Variants in RUNX1 observed in about 807,000 individuals in gnomAD.
The protein encoded by RUNX1 is RUNX family transcription factor 1, also known as runt-related transcription factor 1.
In RUNX1, 19 loss-of-function variants were observed where a neutral mutation model predicts 42.8. The observed-to-expected ratio is 0.44, with a 90% CI of 0.31 to 0.65. The LOEUF (loss-of-function observed/expected upper bound fraction) is 0.65. RUNX1 is among the 30% of genes least tolerant of loss of function. The pLI, the probability that RUNX1 is intolerant of heterozygous loss-of-function variation, is 0.07. For synonymous variants in RUNX1, 271 were observed against 289.4 expected, an observed-to-expected ratio of 0.94 and a Z score of 0.64; for missense variants, 528 against 672.0, an observed-to-expected ratio of 0.79 and a Z score of 2.37.
At chr21:34,817,757 C>T (rs187952750) in intron 7 of RUNX1, among the ~76,000 whole-genome samples, 12 of 152,284 alleles carry the variant, frequency 7.9e-5, no homozygotes, top group East Asian at 5.8e-4. Flanking sequence ...TGGGCCTCCA[C>T]GTCGTGTGGT....
chr21:35,027,052 G>GGGGTCTGTGT (rs1186570673), intron 2 of RUNX1, among the ~76,000 whole-genome samples: 1 of 152,204 alleles, frequency 6.6e-6, no homozygotes, highest in Non-Finnish European at 1.5e-5. Flanking sequence ...AGGCAAGGAC[G>GGGGTCTGTGT]GGGTCTGTGT....
chr21:34,877,200 A>G (rs1345062460), intron 5 of RUNX1, among the ~76,000 whole-genome samples: 1 of 152,186 alleles, frequency 6.6e-6, no homozygotes, highest in Non-Finnish European at 1.5e-5. Context: ...AGCTGAAGCC[A>G]TGATACACTT....
At chr21:34,995,206 A>G (rs570244362) in intron 2 of RUNX1, among the ~76,000 whole-genome samples, 1 of 152,190 alleles carries the variant, frequency 6.6e-6, no homozygotes, top group East Asian at 1.9e-4. Flanking sequence ...CTTTGGCCCT[A>G]CACATCAGAC....
chr21:34,941,371 A>G (rs1414782533), intron 2 of RUNX1, among the ~76,000 whole-genome samples: 1 of 152,146 alleles, frequency 6.6e-6, no homozygotes, highest in Non-Finnish European at 1.5e-5. Context: ...CCTGAATACA[A>G]TCCACCTGCT....
At chr21:35,002,199 C>G (rs2059049581) in intron 2 of RUNX1, among the ~76,000 whole-genome samples, 2 of 151,686 alleles carry the variant, frequency 1.3e-5, no homozygotes, top group Admixed American at 1.3e-4. Context: ...TTTCTCCTTC[C>G]TGGTGTGCTC....
intron 7 of RUNX1, among the ~76,000 whole-genome samples, chr21:34,823,735 G>A (rs1481933855): frequency 6.6e-6 from 1 of 152,104 alleles, no homozygotes; most frequent in Non-Finnish European, 1.5e-5. Flanking sequence ...GAGCCACTGT[G>A]CCTGGCCCCT....
chr21:34,941,290 A>G (rs1346192216), intron 2 of RUNX1, among the ~76,000 whole-genome samples: 1 of 152,240 alleles, frequency 6.6e-6, no homozygotes, highest in Non-Finnish European at 1.5e-5. Flanking sequence ...ACCGTATTCT[A>G]AACCACTAGT....
At chr21:34,986,711 T>C (rs1277408259) in intron 2 of RUNX1, among the ~76,000 whole-genome samples, 3 of 151,986 alleles carry the variant, frequency 2.0e-5, no homozygotes, top group Middle Eastern at 3.4e-3. Context: ...CAAGGGTTGC[T>C]GGGAGTCACC....
chr21:34,981,797 G>A (rs1346542229), intron 2 of RUNX1, among the ~76,000 whole-genome samples: 1 of 152,044 alleles, frequency 6.6e-6, no homozygotes, highest in East Asian at 1.9e-4. Flanking sequence ...TAATAATATG[G>A]CTTGATGTTT....
chr21:34,795,657 C>G (rs2056516980), intron 8 of RUNX1, among the ~76,000 whole-genome samples: 1 of 152,322 alleles, frequency 6.6e-6, no homozygotes, highest in Admixed American at 6.5e-5. Flanking sequence ...CTTGGCCACA[C>G]TCTAGTCATT....
At chr21:34,945,216 T>C (rs1278552282) in intron 2 of RUNX1, among the ~76,000 whole-genome samples, 3 of 152,202 alleles carry the variant, frequency 2.0e-5, no homozygotes, top group African/African-American at 4.8e-5. Flanking sequence ...AGATGGACTA[T>C]AGTATCATAG....
intron 2 of RUNX1, among the ~76,000 whole-genome samples, chr21:35,026,449 ACTTTGGGGTCC>A (rs1207146402): frequency 6.6e-6 from 1 of 152,242 alleles, no homozygotes; most frequent in Non-Finnish European, 1.5e-5. Flanking sequence ...TGGATATTGC[ACTTTGGGGTCC>A]CTTTTCATTT....
In RUNX1 at chr21:34,788,837, A is replaced by G. The variant is rs1285476301; in HGVS notation, c.*3298T>C. On this transcript the variant is annotated 3_prime_UTR_variant, in exon 9 of 9. Coordinates refer to ENST00000675419, the MANE Select transcript of RUNX1 (RefSeq NM_001754.5). ...TATTGTCAAACAAATTTTCATGTATAAAAGACCCAAACATGTCATTCCCCC... is the reference window on the plus strand; with the variant it reads ...TATTGTCAAACAAATTTTCATGTATGAAAGACCCAAACATGTCATTCCCCC... The G allele has an allele frequency of 4.3e-6, 1 of 233,422 alleles. No individual in the cohort carries two copies. Among genetic ancestry groups the G allele is most frequent in the Non-Finnish European group, 8.5e-6 (1 of 118,052 alleles). The allele number at this position is 233,422 out of a possible 1,614,324, so 14.5% of individuals were successfully genotyped here.
intron 2 of RUNX1, among the ~76,000 whole-genome samples, chr21:34,894,880 AACACACACACACACACACAC>A (rs57230115): frequency 2.3e-5 from 3 of 127,868 alleles, no homozygotes; most frequent in Admixed American, 7.8e-5. Flanking sequence ...CCTACATAGA[AACACACACACACACACACAC>A]ACACACACAC....
intron 2 of RUNX1, among the ~76,000 whole-genome samples, chr21:34,903,949 A>T (rs978244462): frequency 6.6e-6 from 1 of 152,226 alleles, no homozygotes; most frequent in Non-Finnish European, 1.5e-5. Flanking sequence ...TCTAAATTTC[A>T]TGAAACTGCT....
intron 6 of RUNX1, among the ~76,000 whole-genome samples, chr21:34,852,310 G>A (rs994575799): frequency 1.3e-5 from 2 of 152,144 alleles, no homozygotes; most frequent in African/African-American, 4.8e-5. Flanking sequence ...GGTTACTGCC[G>A]CTTCTGGGAC....
At chr21:34,863,577 T>C (rs1386455479) in intron 5 of RUNX1, among the ~76,000 whole-genome samples, 1 of 135,494 alleles carries the variant, frequency 7.4e-6, no homozygotes, top group African/African-American at 3.0e-5. Context: ...TTTTTTGAGA[T>C]GGAGTCTTGC....
chr21:34,989,570 G>A (rs1447311269), intron 2 of RUNX1, among the ~76,000 whole-genome samples: 1 of 152,040 alleles, frequency 6.6e-6, no homozygotes, highest in Non-Finnish European at 1.5e-5. Context: ...CCTGATTAAA[G>A]CAGTTTCTCT....
chr21:35,023,115 G>A (rs2059211742), intron 2 of RUNX1, among the ~76,000 whole-genome samples: 1 of 151,702 alleles, frequency 6.6e-6, no homozygotes, highest in Non-Finnish European at 1.5e-5. Context: ...GAAAATTTTT[G>A]TACTTTTTTG....
Sources: allele counts gnomAD v4.1 joint callset (sites outside exome capture counted in the v4.1 genomes callset), GRCh38; gene constraint gnomAD v4.1.1; transcripts MANE v1.5; gene names NCBI Gene and HGNC (gene_info 2026-07-23, HGNC 2026-07-21).